DCC: variants seen among roughly 807,000 people sequenced by gnomAD.
DCC encodes DCC netrin 1 receptor, also known as netrin receptor DCC.
In DCC, 58 loss-of-function variants were observed where a neutral mutation model predicts 172.5. The observed-to-expected ratio is 0.34, with a 90% CI of 0.27 to 0.42. DCC has a LOEUF of 0.42. Among genes scored for constraint, DCC ranks in the 10% least tolerant of loss-of-function variants. DCC has a pLI of 1.00. For synonymous variants in DCC, 709 were observed against 644.5 expected (o/e 1.10, Z -1.52); for missense variants, 1,740 against 1,791.0 (o/e 0.97, Z 0.51).
At chr18:53,363,903 A>G (rs1273441736) in intron 15 of DCC, among the ~76,000 whole-genome samples, 3 of 152,146 alleles carry the variant, frequency 2.0e-5, no homozygotes, top group African/African-American at 7.2e-5. Flanking sequence ...GAATATTACT[A>G]TCCATGAGAT....
At chr18:52,397,939 A>G (rs1168921441) in intron 1 of DCC, among the ~76,000 whole-genome samples, 1 of 152,020 alleles carries the variant, frequency 6.6e-6, no homozygotes, top group Non-Finnish European at 1.5e-5. Flanking sequence ...TTAGGAAAAG[A>G]ATGGCCACAG....
intron 7 of DCC, among the ~76,000 whole-genome samples, chr18:53,108,507 A>G (rs2043282668): frequency 6.6e-6 from 1 of 151,802 alleles, no homozygotes; most frequent in South Asian, 2.1e-4. Flanking sequence ...TTAAAATCCT[A>G]TTTGTTGTCA....
chr18:53,260,882 C>G (rs547261824), intron 12 of DCC, among the ~76,000 whole-genome samples: 1 of 152,246 alleles, frequency 6.6e-6, no homozygotes, highest in Admixed American at 6.5e-5. Flanking sequence ...CTTTGTTTAC[C>G]TACTCAAGCC....
At chr18:53,320,069 A>AGTT in intron 13 of DCC, among the ~76,000 whole-genome samples, 1 of 123,060 alleles carries the variant, frequency 8.1e-6, no homozygotes, top group African/African-American at 3.1e-5. Flanking sequence ...ACGCAAGAGT[A>AGTT]CTTTTTTTTT....
intron 13 of DCC, among the ~76,000 whole-genome samples, chr18:53,305,970 A>C (rs1465295382): frequency 6.6e-6 from 1 of 152,184 alleles, no homozygotes; most frequent in Non-Finnish European, 1.5e-5. Context: ...CTAGTTTCTC[A>C]GCATTGCTGA....
intron 5 of DCC, among the ~76,000 whole-genome samples, chr18:52,947,394 C>A (rs1361481905): frequency 6.6e-6 from 1 of 152,110 alleles, no homozygotes; most frequent in Non-Finnish European, 1.5e-5. Flanking sequence ...TAAGCAAGAC[C>A]AGTTTGGCAT....
intron 12 of DCC, among the ~76,000 whole-genome samples, chr18:53,255,533 A>T (rs1234124908): frequency 6.6e-6 from 1 of 151,904 alleles, no homozygotes; most frequent in African/African-American, 2.4e-5. Context: ...GTCCCTACAA[A>T]GGACATGAAC....
rs1266721565 is a variant in DCC at position 53,499,401 on chromosome 18, T to C, written c.4002T>C (p.Ala1334=). The C allele has an allele frequency of 1.2e-6, 2 of 1,614,056 alleles. No homozygotes were observed. Among genetic ancestry groups the C allele is most frequent in the South Asian group, 1.1e-5 (1 of 91,078 alleles). ...CACCAAGCAGAACCATCCCCACAGC[T>C]TGTGTTCGACCAACTCACCCACTCC... is the stretch of plus-strand genomic sequence containing the variant. ...EEAPSRTIPT[A]CVRPTHPLRS... The change falls in exon 27 of 29, where the codon GCT becomes GCC. Residue 1334 remains alanine (A), a synonymous_variant. Transcript: ENST00000442544.
At position 52,380,538 on chromosome 18, in the gene DCC, T is replaced by G. The variant is rs202033416; in HGVS notation, c.91+39660T>G. Among the ~76,000 whole-genome samples, 15 of 152,158 alleles carry G rather than the reference T, an allele frequency of 9.9e-5. 1 individual carries two copies. In the East Asian group the frequency reaches 2.9e-3, roughly 30 times the overall value. ...AACTCCATTCCCCACTTTCGAAACA[T>G]CAATGGTCATTTCAGATGGGCACTT... On this transcript the variant is annotated intron_variant, in intron 1 of 28. Coordinates refer to ENST00000442544, the MANE Select transcript of DCC (RefSeq NM_005215.4).
At chr18:52,797,910 A>C (rs1300761828) in intron 2 of DCC, among the ~76,000 whole-genome samples, 1 of 152,212 alleles carries the variant, frequency 6.6e-6, no homozygotes, top group African/African-American at 2.4e-5. Flanking sequence ...TGTGGGCAAT[A>C]GCAGTTGCAG....
Position 52,785,399 on chromosome 18 carries a change from C to T in DCC, c.412+33025C>T, listed in dbSNP as rs77182297. Among the ~76,000 whole-genome samples, 993 of 152,172 alleles carry T rather than the reference C, an allele frequency of 6.5e-3. 7 individuals are homozygous for T. Among genetic ancestry groups the T allele is most frequent in the Middle Eastern group, 0.017 (5 of 294 alleles). On this transcript the variant is annotated intron_variant, in intron 2 of 28. Transcript: ENST00000442544. ...AGAGAAAAGCATTACCAAAGACTCC[C>T]ATGCCCTTACTCTCTGCTTAAGTAA...
intron 5 of DCC, among the ~76,000 whole-genome samples, chr18:53,058,337 A>C (rs529058148): frequency 6.6e-6 from 1 of 152,284 alleles, no homozygotes; most frequent in Admixed American, 6.5e-5. Flanking sequence ...TTAAATATAA[A>C]GTTACAAGCT....
At chr18:53,188,753 G>C (rs2055324036) in intron 9 of DCC, among the ~76,000 whole-genome samples, 1 of 152,132 alleles carries the variant, frequency 6.6e-6, no homozygotes. Context: ...TATTTCCTCT[G>C]AAAATGCTTC....
chr18:53,485,181 T>C (rs551266526), intron 25 of DCC, among the ~76,000 whole-genome samples: 2 of 152,272 alleles, frequency 1.3e-5, no homozygotes, highest in African/African-American at 2.4e-5. Flanking sequence ...TGTGAGCCGA[T>C]AGATATGTTA....
chr18:52,533,958 ATG>A (rs1275888044), intron 1 of DCC, among the ~76,000 whole-genome samples: 3 of 152,050 alleles, frequency 2.0e-5, no homozygotes, highest in Non-Finnish European at 4.4e-5. Context: ...GGTAGTGAAT[ATG>A]TGGACTTTGT....
chr18:53,502,938 C>T (rs1323661588), intron 27 of DCC, among the ~76,000 whole-genome samples: 1 of 151,952 alleles, frequency 6.6e-6, no homozygotes, highest in Non-Finnish European at 1.5e-5. Flanking sequence ...TGGTTTGCTG[C>T]ACCTATCAAC....
intron 5 of DCC, among the ~76,000 whole-genome samples, chr18:53,033,857 C>G (rs868867698): frequency 2.0e-5 from 3 of 152,054 alleles, no homozygotes; most frequent in Non-Finnish European, 2.9e-5. Context: ...CAAAACTTTG[C>G]TTATTAAGGT....
chr18:52,687,048 G>C (rs189734246), intron 1 of DCC, among the ~76,000 whole-genome samples: 4 of 152,094 alleles, frequency 2.6e-5, no homozygotes, highest in African/African-American at 9.6e-5. Context: ...CCCAACTACA[G>C]AGTGTAATTA....
intron 1 of DCC, among the ~76,000 whole-genome samples, chr18:52,393,357 G>T (rs375619312): frequency 6.6e-6 from 1 of 152,038 alleles, no homozygotes; most frequent in African/African-American, 2.4e-5. Flanking sequence ...CCTCATCCTC[G>T]AATGACCTGA....
Sources: allele counts gnomAD v4.1 joint callset (sites outside exome capture counted in the v4.1 genomes callset), GRCh38; gene constraint gnomAD v4.1.1; transcripts MANE v1.5; gene names NCBI Gene and HGNC (gene_info 2026-07-23, HGNC 2026-07-21).